The following SEL1L variants were observed in gnomAD, a reference collection of about 807,000 sequenced individuals.
SEL1L encodes protein sel-1 homolog 1.
In SEL1L, 52 loss-of-function variants were observed where a neutral mutation model predicts 109.8. The observed-to-expected ratio is 0.47, with a 90% CI of 0.38 to 0.60. SEL1L has a LOEUF of 0.60. Among genes scored for constraint, SEL1L ranks in the 20% least tolerant of loss-of-function variants. The probability of loss-of-function intolerance (pLI) is 0.00; values close to 1 mark genes in which losing one functional copy is unlikely to be tolerated. For missense variants in SEL1L, 749 were observed against 962.2 expected (o/e 0.78, Z 2.93); for synonymous variants, 373 against 339.6 (o/e 1.10, Z -1.08).
chr14:81,522,433 T>G (rs1884947851), intron 3 of SEL1L, among the ~76,000 whole-genome samples: 1 of 152,220 alleles, frequency 6.6e-6, no homozygotes, highest in Admixed American at 6.5e-5. Context: ...GTGCTTTTTC[T>G]ATGTTTAGAT....
Position 81,506,120 on chromosome 14 carries a change from A to T in SEL1L, c.462T>A (p.Ala154=). 1.2e-6 allele frequency: 2 copies of T among 1,614,030 alleles called. No individual in the cohort carries two copies. Among genetic ancestry groups the T allele is most frequent in the South Asian group, 2.2e-5 (2 of 91,056 alleles). The change falls in exon 4 of 21, where the codon GCT becomes GCA. Residue 154 remains alanine (A), a synonymous_variant. Transcript: ENST00000336735. ...CATCTGCTTTGTAGTCATAGGTTGTAGCACACCACAGTCTGCCATCTTCCC... is the reference window on the plus strand; with the variant it reads ...CATCTGCTTTGTAGTCATAGGTTGTTGCACACCACAGTCTGCCATCTTCCC... ...DGREDGRLWC[A]TTYDYKADEK... is the part of the protein sequence containing the mutation.
intron 15 of SEL1L, 115 bp downstream of exon 15, chr14:81,487,740 A>G (rs1376579038): frequency 2.6e-6 from 4 of 1,529,294 alleles, no homozygotes; most frequent in Non-Finnish European, 3.5e-6. Context: ...GAACTGGGAG[A>G]ACATTTAACC....
intron 10 of SEL1L, 55 bp downstream of exon 10, chr14:81,497,837 C>A: frequency 2.0e-6 from 3 of 1,524,682 alleles, no homozygotes; most frequent in Non-Finnish European, 1.8e-6. Flanking sequence ...CCGTCCCCCA[C>A]AGATTAAAAT....
chr14:81,493,094 C>G lies in SEL1L; in HGVS notation c.1186-546G>C, dbSNP rs74430916. ...ATCATCACCACTCTCAACTGTATTG[C>G]AGCCCATTTTTGTTAAGGACCTTGT... On this transcript the variant is annotated intron_variant, in intron 11 of 20. Coordinates refer to ENST00000336735, the MANE Select transcript of SEL1L (RefSeq NM_005065.6). Among the ~76,000 whole-genome samples, 396 of 152,334 alleles carry G rather than the reference C, an allele frequency of 2.6e-3. 4 individuals are homozygous for G. Among genetic ancestry groups the G allele is most frequent in the African/African-American group, 9.0e-3 (374 of 41,576 alleles).
At chr14:81,495,192 A>G (rs1883693326) in intron 10 of SEL1L, 55 bp from the exon 11 acceptor site, 1 of 1,481,794 alleles carries the variant, frequency 6.7e-7, no homozygotes, top group Admixed American at 1.7e-5. Context: ...GCACACAATT[A>G]AAATCAGACC....
At chr14:81,482,024 C>G (rs980049656) in intron 19 of SEL1L, among the ~76,000 whole-genome samples, 26 of 151,212 alleles carry the variant, frequency 1.7e-4, no homozygotes, top group African/African-American at 6.3e-4. Context: ...GAGTGAGACT[C>G]CATCTCACCG....
intron 12 of SEL1L, among the ~76,000 whole-genome samples, chr14:81,492,227 C>G (rs7150676): frequency 0.76 from 115,594 of 151,942 alleles, 44,489 homozygotes; most frequent in African/African-American, 0.88. Flanking sequence ...TCCTGACCTC[C>G]TGATCCACCT....
intron 3 of SEL1L, among the ~76,000 whole-genome samples, chr14:81,515,221 T>C (rs1884653566): frequency 6.6e-6 from 1 of 152,160 alleles, no homozygotes; most frequent in South Asian, 2.1e-4. Flanking sequence ...CCAACCTGGG[T>C]ACATGTCCCC....
rs1218732132 is a variant in SEL1L, at chr14:81,533,816, CCGCCGCCT to C, written c.-80_-73del. 2 of 1,443,462 alleles carry C rather than the reference CCGCCGCCT, an allele frequency of 1.4e-6. No individual in the cohort carries two copies. Among genetic ancestry groups the C allele is most frequent in the African/African-American group, 2.8e-5 (2 of 71,478 alleles). 89.4% of individuals were successfully genotyped at this position (1,443,462 alleles called of 1,614,324 possible). On this transcript the variant is annotated 5_prime_UTR_variant, in exon 1 of 21. Transcript: ENST00000336735. Reference sequence around the variant, plus strand: ...TCTGCCACCACGGACTCAGCCACCACCGCCGCCTCGCCGCTGCTCTTCCTGCTCTAGTC... The same window carrying C: ...TCTGCCACCACGGACTCAGCCACCACCGCCGCTGCTCTTCCTGCTCTAGTC...
intron 10 of SEL1L, among the ~76,000 whole-genome samples, chr14:81,495,616 C>T (rs1487530543): frequency 1.3e-5 from 2 of 151,656 alleles, no homozygotes; most frequent in Admixed American, 6.6e-5. Flanking sequence ...CCAGCCTGGG[C>T]GACAGAGAGA....
intron 8 of SEL1L, 140 bp downstream of exon 8, chr14:81,499,319 G>T: frequency 7.1e-7 from 1 of 1,410,188 alleles, no homozygotes; most frequent in South Asian, 1.7e-5. Context: ...CCATTAACAA[G>T]AATTTGAAGG....
intron 14 of SEL1L, chr14:81,488,936 A>C: frequency 3.1e-6 from 1 of 326,644 alleles, no homozygotes; most frequent in Non-Finnish European, 5.6e-6. Context: ...AGGATTGAGT[A>C]AAAAAGCAGG....
Position 81,475,291 on chromosome 14 carries a change from G to A in SEL1L, c.*1681C>T, listed in dbSNP as rs772072436. ...CGCTTTCATACATATGGCTCTCTTG[G>A]TGACTAACTCTTCGAATTTGGAAGC... On this transcript the variant is annotated 3_prime_UTR_variant, in exon 21 of 21. Coordinates refer to ENST00000336735, the MANE Select transcript of SEL1L (RefSeq NM_005065.6). The A allele has an allele frequency of 2.0e-5, 3 of 152,500 alleles. No individual in the cohort carries two copies. The highest frequency in any genetic ancestry group is 2.9e-5 in the Non-Finnish European group (2 of 68,016). 9.4% of individuals were successfully genotyped at this position (152,500 alleles called of 1,614,324 possible).
intron 3 of SEL1L, among the ~76,000 whole-genome samples, chr14:81,524,154 G>C (rs898752204): frequency 3.3e-5 from 5 of 152,156 alleles, no homozygotes; most frequent in African/African-American, 1.2e-4. Flanking sequence ...GGTAGAATTA[G>C]AAAGTCACCA....
At chr14:81,496,064 C>T (rs563976927) in intron 10 of SEL1L, among the ~76,000 whole-genome samples, 38 of 152,220 alleles carry the variant, frequency 2.5e-4, no homozygotes, top group Non-Finnish European at 4.4e-4. Context: ...TGCCTCACGC[C>T]TGTAATCCCA....
At chr14:81,516,317 G>A (rs1884700115) in intron 3 of SEL1L, among the ~76,000 whole-genome samples, 2 of 152,186 alleles carry the variant, frequency 1.3e-5, no homozygotes, top group African/African-American at 4.8e-5. Flanking sequence ...CTGTCCTCAA[G>A]GACCGTTACC....
At chr14:81,494,353 T>C (rs1883660342) in intron 11 of SEL1L, among the ~76,000 whole-genome samples, 1 of 152,214 alleles carries the variant, frequency 6.6e-6, no homozygotes, top group African/African-American at 2.4e-5. Flanking sequence ...CTCTCTCACC[T>C]GAACTTCTCG....
intron 20 of SEL1L, chr14:81,479,298 T>C (rs1264516678): frequency 5.7e-6 from 1 of 175,208 alleles, no homozygotes; most frequent in Non-Finnish European, 1.2e-5. Context: ...ATTTAATGTT[T>C]ACTGAATTAA....
chr14:81,492,407 C>A, intron 12 of SEL1L, 73 bp downstream of exon 12: 1 of 1,087,846 alleles, frequency 9.2e-7, no homozygotes. Flanking sequence ...AATTGTAGAT[C>A]CTGAACACAA....
Sources: allele counts gnomAD v4.1 joint callset (sites outside exome capture counted in the v4.1 genomes callset), GRCh38; gene constraint gnomAD v4.1.1; transcripts MANE v1.5; gene names NCBI Gene and HGNC (gene_info 2026-07-23, HGNC 2026-07-21).